Variants in CROCC2 observed in about 807,000 individuals in gnomAD.
The protein encoded by CROCC2 is ciliary rootlet coiled-coil protein 2.
In CROCC2, 163 loss-of-function variants were observed where a neutral mutation model predicts 177.6. The ratio of observed to expected loss-of-function variants is 0.92; its 90% CI spans 0.81 to 1.05. The LOEUF (loss-of-function observed/expected upper bound fraction) is 1.05, where lower values mean the gene tolerates loss of function less well. CROCC2 is among the 50% of genes least tolerant of loss of function. The pLI is 0.00. For missense variants in CROCC2, 1,929 were observed against 1,797.8 expected, an observed-to-expected ratio of 1.07 and a Z score of -1.32; for synonymous variants, 904 against 787.3, an observed-to-expected ratio of 1.15 and a Z score of -2.48.
intron 20 of CROCC2, 176 bp downstream of exon 20, chr2:240,959,620 G>A: frequency 3.7e-6 from 3 of 803,926 alleles, no homozygotes. Flanking sequence ...CATGGGACAA[G>A]GGGCCCTCAC....
At position 240,968,157 on chromosome 2, in the gene CROCC2, C is replaced by T. The variant is rs1261219177; in HGVS notation, c.4296C>T (p.Ser1432=). 6.6e-7 allele frequency: 1 copy of T among 1,517,966 alleles called. No homozygotes were observed. The highest frequency in any genetic ancestry group is 2.0e-5 in the Admixed American group (1 of 48,898). 94.0% of individuals were successfully genotyped at this position (1,517,966 alleles called of 1,614,324 possible). A position where few individuals can be genotyped will look rare whatever the true frequency, so the allele number is the denominator to read the frequency against. The part of the protein sequence containing the change: ...EGQRRVEGAL[S]SARAARALQK... Reference sequence around the variant, plus strand: ...AGCGCCGGGTGGAGGGCGCGCTGAGCAGCGCCCGGGCAGCACGTGCCCTGC... The same window carrying T: ...AGCGCCGGGTGGAGGGCGCGCTGAGTAGCGCCCGGGCAGCACGTGCCCTGC... Residue 1432 remains serine (S), a synonymous_variant, in exon 27 of 32, where the codon AGC becomes AGT. Transcript: ENST00000690015.
At chr2:240,947,287 C>T (rs1574768506) in intron 15 of CROCC2, among the ~76,000 whole-genome samples, 1 of 152,324 alleles carries the variant, frequency 6.6e-6, no homozygotes, top group East Asian at 1.9e-4. Context: ...CCCTCCTGGG[C>T]CCTGGGGGCT....
At chr2:240,920,960 C>T (rs1051944583) in intron 3 of CROCC2, among the ~76,000 whole-genome samples, 9 of 152,194 alleles carry the variant, frequency 5.9e-5, no homozygotes, top group Non-Finnish European at 1.3e-4. Flanking sequence ...CACACCCATG[C>T]CATCTTCAGA....
intron 3 of CROCC2, 35 bp from the exon 4 acceptor site, chr2:240,922,504 G>C (rs1266796998): frequency 5.9e-6 from 4 of 680,830 alleles, no homozygotes; most frequent in African/African-American, 1.8e-5. Flanking sequence ...GGGTTCAGGA[G>C]CAGCCAGACC....
In CROCC2 at chr2:240,933,841, A is replaced by C. The variant is rs775327545; in HGVS notation, c.1635A>C (p.Ala545=). 1.9e-6 allele frequency: 3 copies of C among 1,545,976 alleles called. No individual in the cohort carries two copies. Among genetic ancestry groups the C allele is most frequent in the Non-Finnish European group, 2.6e-6 (3 of 1,145,338 alleles). Residue 545 remains alanine (A), a synonymous_variant, in exon 11 of 32, where the codon GCA becomes GCC. Transcript: ENST00000690015. ...LALRRERSCR[A]LETSQGRLQQ... ...TGCGGAGGGAGCGGAGCTGCAGGGC[A>C]CTGGAGACCAGGTGCGCGGCCGTGG... is the stretch of plus-strand genomic sequence containing the variant.
chr2:240,939,977 G>A (rs972981388), intron 14 of CROCC2, among the ~76,000 whole-genome samples: 19 of 152,170 alleles, frequency 1.2e-4, no homozygotes, highest in Non-Finnish European at 2.5e-4. Context: ...CACATCAAAA[G>A]AATGTGTATT....
chr2:240,932,197 G>T, intron 7 of CROCC2, 121 bp from the exon 8 acceptor site: 4 of 619,040 alleles, frequency 6.5e-6, no homozygotes. Flanking sequence ...TCAGACGGAG[G>T]CATCACCCAG....
chr2:240,936,944 G>A (rs528035758), intron 14 of CROCC2, among the ~76,000 whole-genome samples: 90 of 152,336 alleles, frequency 5.9e-4, no homozygotes, highest in African/African-American at 2.2e-3. Context: ...GCACAAGGCT[G>A]CTATAAACCT....
In CROCC2 at chr2:240,966,023, C is replaced by T. The variant is rs1261150979; in HGVS notation, c.3961+30C>T. On this transcript the variant is annotated intron_variant, in intron 24 of 31. Transcript: ENST00000690015. ...GAGTCCTCAGTGGAGGCAGGCGGGCCCCTCTCCCAGCTCAGTCCCTGGCCT... is the reference window on the plus strand; with the variant it reads ...GAGTCCTCAGTGGAGGCAGGCGGGCTCCTCTCCCAGCTCAGTCCCTGGCCT... 3.8e-6 allele frequency: 5 copies of T among 1,326,942 alleles called. No homozygotes were observed. The East Asian group carries it at 1.2e-4, about 31-fold the overall frequency. 82.2% of individuals were successfully genotyped at this position (1,326,942 alleles called of 1,614,324 possible).
At chr2:240,926,657 A>G (rs1388633924) in intron 5 of CROCC2, among the ~76,000 whole-genome samples, 3 of 152,238 alleles carry the variant, frequency 2.0e-5, no homozygotes, top group Admixed American at 1.3e-4. Flanking sequence ...TCTGGCCTCC[A>G]GTTGCCTCCA....
In CROCC2 at chr2:240,958,675, T is replaced by C. The variant is rs577386651; in HGVS notation, c.2944-626T>C. ...CAGGGCAGGGCTCGGACCCTTCATG[T>C]TGAGGACACTGAGGCCCAGGAAGCT... On this transcript the variant is annotated intron_variant, in intron 19 of 31. Coordinates refer to ENST00000690015, the MANE Select transcript of CROCC2 (RefSeq NM_001351305.2). This position sits in a 1 kb window ranked among gnomAD's most constrained non-coding sequence, Gnocchi z 6.7. 6.1e-4 allele frequency: 491 copies of C among 799,736 alleles called. 3 individuals carry two copies. The African/African-American group carries it at 9.0e-3, about 15-fold the overall frequency. The allele number at this position is 799,736 out of a possible 1,614,324, so 49.5% of individuals were successfully genotyped here.
intron 3 of CROCC2, among the ~76,000 whole-genome samples, chr2:240,921,973 G>A (rs1029906131): frequency 6.6e-6 from 1 of 152,196 alleles, no homozygotes; most frequent in African/African-American, 2.4e-5. Flanking sequence ...TGGTGGGTGT[G>A]GTCCTGCTCC....
intron 14 of CROCC2, among the ~76,000 whole-genome samples, chr2:240,945,531 A>T (rs562578489): frequency 5.0e-4 from 76 of 152,116 alleles, no homozygotes; most frequent in Non-Finnish European, 8.5e-4. Flanking sequence ...TAAATGAGCA[A>T]ATGCCTTGAG....
At chr2:240,940,021 A>G (rs939299602) in intron 14 of CROCC2, among the ~76,000 whole-genome samples, 16 of 152,190 alleles carry the variant, frequency 1.1e-4, no homozygotes, top group African/African-American at 3.9e-4. Context: ...CTATAAATAT[A>G]AATTAAATCA....
rs2059680487 is a variant in CROCC2 at position 240,965,924 on chromosome 2, C to T, written c.3892C>T (p.Arg1298Cys). 1.4e-6 allele frequency: 2 copies of T among 1,416,684 alleles called. No homozygotes were observed. Among genetic ancestry groups the T allele is most frequent in the South Asian group, 3.2e-5 (2 of 61,920 alleles). 87.8% of individuals were successfully genotyped at this position (1,416,684 alleles called of 1,614,324 possible). A position where few individuals can be genotyped will look rare whatever the true frequency, so the allele number is the denominator to read the frequency against. ...AQLGRLCSTLRRGLGLQRQSP... is the reference protein window; with the variant it reads ...AQLGRLCSTLCRGLGLQRQSP... ...GCTGGGCCGGCTGTGCTCCACGCTC[C>T]GCCGTGGCCTGGGGCTCCAGAGACA... The change falls in exon 24 of 32, where the codon CGC becomes TGC. Residue 1298 changes from arginine (R) to cysteine (C), a missense_variant. By Grantham distance (180) the Arg-to-Cys change is radical. Transcript: ENST00000690015.
chr2:240,957,154 C>T (rs916935013), intron 19 of CROCC2, among the ~76,000 whole-genome samples: 14 of 152,190 alleles, frequency 9.2e-5, no homozygotes, highest in Admixed American at 3.3e-4. Context: ...GGATTGAGGG[C>T]GAGGCTGATC....
rs1333966691 is a variant in CROCC2 at position 240,973,714 on chromosome 2, C to T, written c.4401+5452C>T. ...GGCCCACAAGGTGGACACTGAGCCA[C>T]AGTCAGACTTGATTACTCTCAGTGT... On this transcript the variant is annotated intron_variant, in intron 27 of 31. Coordinates refer to ENST00000690015, the MANE Select transcript of CROCC2 (RefSeq NM_001351305.2). This position sits in a 1 kb window ranked among gnomAD's most constrained non-coding sequence, Gnocchi z 4.7. 1.3e-5 allele frequency among the ~76,000 whole-genome samples: 2 copies of T among 152,248 alleles called. No homozygotes were observed. The highest frequency in any genetic ancestry group is 6.5e-5 in the Admixed American group (1 of 15,288).
At chr2:240,983,364 C>G (rs764844390) in intron 28 of CROCC2, 1 of 1,296,504 alleles carries the variant, frequency 7.7e-7, no homozygotes, top group Non-Finnish European at 1.0e-6. Flanking sequence ...GATGGAACGA[C>G]CCCGCTCTCA....
chr2:240,926,837 T>C (rs1253154407), intron 5 of CROCC2, among the ~76,000 whole-genome samples: 2 of 152,232 alleles, frequency 1.3e-5, no homozygotes, highest in Non-Finnish European at 2.9e-5. Flanking sequence ...GCGGGAGCCG[T>C]GCTATCAGCA....
Sources: allele counts gnomAD v4.1 joint callset (sites outside exome capture counted in the v4.1 genomes callset), GRCh38; gene constraint gnomAD v4.1.1; non-coding constraint Gnocchi (gnomAD v3.1); transcripts MANE v1.5; gene names NCBI Gene and HGNC (gene_info 2026-07-23, HGNC 2026-07-21).